The following AATK variants were observed in gnomAD, a reference collection of about 807,000 sequenced individuals.
AATK encodes the protein lemur tail kinase 1.
In AATK, 91 loss-of-function variants were observed where a neutral mutation model predicts 114.3. The ratio of observed to expected loss-of-function variants is 0.80; its 90% confidence interval spans 0.67 to 0.95. AATK has a LOEUF of 0.95. Among genes scored for constraint, AATK ranks in the 40% least tolerant of loss-of-function variants. AATK has a pLI of 0.00. For synonymous variants in AATK, 1,075 were observed against 916.5 expected (o/e 1.17, Z -3.12); for missense variants, 2,176 against 1,965.2 (o/e 1.11, Z -2.03).
At chr17:81,129,730 GACCCAAGGGCAGT>G (rs1054294028) in intron 3 of AATK, among the ~76,000 whole-genome samples, 2 of 152,136 alleles carry the variant, frequency 1.3e-5, no homozygotes, top group Non-Finnish European at 2.9e-5. Flanking sequence ...CCTGCCCCTG[GACCCAAGGGCAGT>G]ACCCCCTCGG....
chr17:81,165,823 C>T, intron 1 of AATK, 115 bp downstream of exon 1: 1 of 1,507,770 alleles, frequency 6.6e-7, no homozygotes, highest in Non-Finnish European at 8.9e-7. Context: ...TGCTGCTGGG[C>T]TCGGGGCGGG....
chr17:81,133,092 G>A (rs2060959403), intron 2 of AATK: 1 of 368,032 alleles, frequency 2.7e-6, no homozygotes, highest in Non-Finnish European at 5.4e-6. Context: ...CGGGTCAGGG[G>A]TACATCCCAG....
intron 1 of AATK, among the ~76,000 whole-genome samples, chr17:81,147,360 C>CA (rs59460030): frequency 0.044 from 2,401 of 54,444 alleles, 34 homozygotes; most frequent in African/African-American, 0.069. Context: ...GACTCCATCT[C>CA]AAAAAAAAAA....
intron 1 of AATK, among the ~76,000 whole-genome samples, chr17:81,143,935 A>C (rs2061178272): frequency 6.6e-6 from 1 of 152,104 alleles, no homozygotes; most frequent in African/African-American, 2.4e-5. Flanking sequence ...CATTCCCCCC[A>C]CAACAGCAGG....
intron 2 of AATK, 69 bp downstream of exon 2, chr17:81,134,299 G>C: frequency 6.3e-7 from 1 of 1,578,864 alleles, no homozygotes; most frequent in Non-Finnish European, 8.6e-7. Context: ...GGGAAGCTCA[G>C]GGTCAAGTGG....
intron 1 of AATK, among the ~76,000 whole-genome samples, chr17:81,158,336 C>T (rs1480835656): frequency 6.6e-6 from 1 of 152,214 alleles, no homozygotes; most frequent in Non-Finnish European, 1.5e-5. Flanking sequence ...GCCTCTGGGC[C>T]ACAGAGATTC....
At chr17:81,153,798 T>TTG (rs2061327309) in intron 1 of AATK, among the ~76,000 whole-genome samples, 1 of 152,048 alleles carries the variant, frequency 6.6e-6, no homozygotes. Flanking sequence ...AAAAGAGCAG[T>TTG]GACAGCTCAC....
At chr17:81,148,172 T>C (rs2146382333) in intron 1 of AATK, among the ~76,000 whole-genome samples, 1 of 152,052 alleles carries the variant, frequency 6.6e-6, no homozygotes, top group Non-Finnish European at 1.5e-5. Flanking sequence ...TTGCATCCTG[T>C]ACTTGCACGT....
At position 81,166,089 on chromosome 17, in the gene AATK, A is replaced by C; in HGVS notation, c.-97T>G. On this transcript the variant is annotated 5_prime_UTR_variant, in exon 1 of 14. Coordinates refer to ENST00000326724, the MANE Select transcript of AATK (RefSeq NM_001080395.3). ...CGCCGCATCACCCAGCGGCCGCCGCAGGTGCGGAGCGCGCCGGCCCCCGCG... is the reference window on the plus strand; with the variant it reads ...CGCCGCATCACCCAGCGGCCGCCGCCGGTGCGGAGCGCGCCGGCCCCCGCG... 1.2e-6 allele frequency: 1 copy of C among 817,708 alleles called. No homozygotes were observed. Among genetic ancestry groups the C allele is most frequent in the Non-Finnish European group, 1.5e-6 (1 of 662,866 alleles). The allele number at this position is 817,708 out of a possible 1,614,324, so 50.7% of individuals were successfully genotyped here.
intron 1 of AATK, among the ~76,000 whole-genome samples, chr17:81,150,188 G>A (rs79837934): frequency 0.052 from 7,877 of 152,132 alleles, 524 homozygotes; most frequent in African/African-American, 0.15. Context: ...AAGCAGTGGT[G>A]GTTTCCACAC....
intron 7 of AATK, among the ~76,000 whole-genome samples, chr17:81,125,530 C>T (rs1386108374): frequency 6.6e-6 from 1 of 152,136 alleles, no homozygotes; most frequent in Non-Finnish European, 1.5e-5. Context: ...CACCACTGGC[C>T]CCAGGGTTGG....
intron 1 of AATK, among the ~76,000 whole-genome samples, chr17:81,141,450 C>T (rs1474251600): frequency 6.6e-6 from 1 of 152,116 alleles, no homozygotes; most frequent in Non-Finnish European, 1.5e-5. Flanking sequence ...CTGTCCCCCC[C>T]AAAAGAAAAG....
chr17:81,141,953 T>TTCC (rs1555597586), intron 1 of AATK, among the ~76,000 whole-genome samples: 1,641 of 126,098 alleles, frequency 0.013, 38 homozygotes, highest in East Asian at 0.062. Flanking sequence ...CCTTCCTTCC[T>TTCC]TTCCTTCCTT....
At chr17:81,123,152 A>G in intron 10 of AATK, 42 bp downstream of exon 10, 4 of 1,399,494 alleles carry the variant, frequency 2.9e-6, no homozygotes, top group Middle Eastern at 2.0e-4. Flanking sequence ...AGGATACCCC[A>G]TCTCGGCCTG....
In AATK at chr17:81,120,292, C is replaced by G. The variant is rs776229948; in HGVS notation, c.3644G>C (p.Ser1215Thr). The G allele has an allele frequency of 1.9e-6, 3 of 1,609,510 alleles. No individual in the cohort carries two copies. Among genetic ancestry groups the G allele is most frequent in the Non-Finnish European group, 2.5e-6 (3 of 1,178,156 alleles). Residue 1215 changes from serine to threonine, a missense_variant, in exon 11 of 14, where the codon AGC becomes ACC. Ser to Thr is a moderately conservative substitution (Grantham distance 58). This residue lies in a region of AATK where 1,701 missense variants were observed against 1,394.7 expected (regional missense o/e 1.22). Coordinates refer to ENST00000326724, the MANE Select transcript of AATK (RefSeq NM_001080395.3). ...RNLRSLLKMP[S>T]LLSETFCEDL... ...CTCGCAGAAGGTCTCGGACAGCAGG[C>G]TGGGCATCTTGAGCAGGCTGCGCAG...
intron 13 of AATK, 139 bp from the exon 14 acceptor site, chr17:81,118,581 T>C: frequency 1.2e-6 from 1 of 851,696 alleles, no homozygotes; most frequent in South Asian, 1.6e-5. Flanking sequence ...TGTGTCTAGG[T>C]GAGAGATGGA....
Position 81,137,707 on chromosome 17 carries a change from GCA to G in AATK, c.56-3208_56-3207del, listed in dbSNP as rs568236548. On this transcript the variant is annotated intron_variant, in intron 1 of 13. Transcript: ENST00000326724. ...GCATGAAAACACATGAAACACACAT[GCA>G]CACACACCTCATGACAACGCGAAAC... Among the ~76,000 whole-genome samples, 9 of 152,158 alleles carry G rather than the reference GCA, an allele frequency of 5.9e-5. No individual in the cohort carries two copies. In the Middle Eastern group the frequency reaches 0.01, roughly 173 times the overall value.
chr17:81,119,258 G>C (rs1458488850), intron 13 of AATK, 122 bp downstream of exon 13: 2 of 1,020,296 alleles, frequency 2.0e-6, no homozygotes, highest in East Asian at 6.6e-5. Context: ...GGCCGGGAAG[G>C]AGCGGAGCGG....
rs539459058 is a variant in AATK at position 81,123,438 on chromosome 17, C to T, written c.963-95G>A. The T allele has an allele frequency of 2.1e-4, 243 of 1,171,472 alleles. No individual in the cohort carries two copies. In the African/African-American group the frequency reaches 3.4e-3, roughly 16 times the overall value. 72.6% of individuals were successfully genotyped at this position (1,171,472 alleles called of 1,614,324 possible). A position where few individuals can be genotyped will look rare whatever the true frequency, so the allele number is the denominator to read the frequency against. On this transcript the variant is annotated intron_variant, in intron 9 of 13. Transcript: ENST00000326724. ...GGGCGCCGAATGGGGCAGCTCCCGC[C>T]ATCACGCCAGTGCCTCAGGACCGGG...
Sources: allele counts gnomAD v4.1 joint callset (sites outside exome capture counted in the v4.1 genomes callset), GRCh38; gene constraint gnomAD v4.1.1; regional missense constraint gnomAD v4.1.1; transcripts MANE v1.5; gene names NCBI Gene and HGNC (gene_info 2026-07-23, HGNC 2026-07-21).